PPM1H: variants seen among roughly 807,000 people sequenced by gnomAD.
PPM1H encodes protein phosphatase 1H.
In PPM1H, 27 loss-of-function variants were observed where a neutral mutation model predicts 54.9. The ratio of observed to expected loss-of-function variants is 0.49; its 90% confidence interval spans 0.36 to 0.68. The LOEUF is 0.68. Ranked by LOEUF, PPM1H falls within the 30% of genes least tolerant of loss-of-function variation. The probability of loss-of-function intolerance (pLI) is 0.00; values close to 1 mark genes in which losing one functional copy is unlikely to be tolerated. For synonymous variants in PPM1H, 305 were observed against 270.8 expected (o/e 1.13, Z -1.24); for missense variants, 596 against 667.8 (o/e 0.89, Z 1.19).
At position 62,645,168 on chromosome 12, in the gene PPM1H, G is replaced by T. The variant is rs2075778318; in HGVS notation, c.*3321C>A. ...TCTTGTTAAATGGAAAACCCTTCCT[G>T]AATGGGGAAGATCTGAGGCTAAATC... is the stretch of plus-strand genomic sequence containing the variant. On this transcript the variant is annotated 3_prime_UTR_variant, in exon 10 of 10. Coordinates refer to ENST00000228705, the MANE Select transcript of PPM1H (RefSeq NM_020700.2). 1 of 152,170 alleles carries T rather than the reference G, an allele frequency of 6.6e-6. No homozygotes were observed. The highest frequency in any genetic ancestry group is 6.5e-5 in the Admixed American group (1 of 15,286). The allele number at this position is 152,170 out of a possible 1,614,324, so 9.4% of individuals were successfully genotyped here. A position where few individuals can be genotyped will look rare whatever the true frequency, so the allele number is the denominator to read the frequency against.
intron 2 of PPM1H, among the ~76,000 whole-genome samples, chr12:62,825,855 G>C (rs879507802): frequency 6.6e-6 from 1 of 151,344 alleles, no homozygotes; most frequent in Non-Finnish European, 1.5e-5. Flanking sequence ...CATATTGTGC[G>C]CATGTACCCT....
chr12:62,723,762 T>G (rs1050990108), intron 5 of PPM1H, among the ~76,000 whole-genome samples: 2 of 152,192 alleles, frequency 1.3e-5, no homozygotes, highest in African/African-American at 4.8e-5. Context: ...TACAGATACG[T>G]GGCATGCATA....
At position 62,737,836 on chromosome 12, in the gene PPM1H, C is replaced by T. The variant is rs1054182255; in HGVS notation, c.870-250G>A. On this transcript the variant is annotated intron_variant, in intron 4 of 9. Coordinates refer to ENST00000228705, the MANE Select transcript of PPM1H (RefSeq NM_020700.2). ...TAGCTGGAAGTGTGCCTTAATGCTC[C>T]AGCCCCAACCATACTTCTTGGCACA... Among the ~76,000 whole-genome samples, 6 of 152,070 alleles carry T rather than the reference C, an allele frequency of 3.9e-5. No homozygotes were observed. The South Asian group carries it at 1.2e-3, about 32-fold the overall frequency.
intron 8 of PPM1H, among the ~76,000 whole-genome samples, chr12:62,671,060 C>A (rs903889175): frequency 3.3e-5 from 5 of 152,198 alleles, no homozygotes; most frequent in South Asian, 2.1e-4. Flanking sequence ...CCACTGGGCT[C>A]CGGAGTCCTG....
chr12:62,746,382 T>G (rs1188375917), intron 4 of PPM1H, among the ~76,000 whole-genome samples: 1 of 152,210 alleles, frequency 6.6e-6, no homozygotes, highest in Non-Finnish European at 1.5e-5. Context: ...AAATTTTCAA[T>G]GTGTTCCATC....
At chr12:62,902,487 C>T (rs772077617) in intron 1 of PPM1H, among the ~76,000 whole-genome samples, 4 of 152,204 alleles carry the variant, frequency 2.6e-5, no homozygotes, top group Non-Finnish European at 5.9e-5. Flanking sequence ...AACACTGGAA[C>T]ATTTTCCAGA....
chr12:62,931,879 T>A (rs1681258688), intron 1 of PPM1H, among the ~76,000 whole-genome samples: 1 of 152,234 alleles, frequency 6.6e-6, no homozygotes, highest in African/African-American at 2.4e-5. Context: ...CTGTGTTTAC[T>A]TATGAATACT....
At chr12:62,657,950 G>C (rs190080346) in intron 9 of PPM1H, among the ~76,000 whole-genome samples, 1 of 151,204 alleles carries the variant, frequency 6.6e-6, no homozygotes, top group Admixed American at 6.6e-5. Context: ...TACTCTGTAG[G>C]GTTTATGGTA....
chr12:62,868,863 A>G (rs977138943), intron 1 of PPM1H, among the ~76,000 whole-genome samples: 6 of 152,308 alleles, frequency 3.9e-5, no homozygotes, highest in Admixed American at 1.3e-4. Context: ...AGGATACCCA[A>G]TTTCTCACTT....
chr12:62,801,270 T>C (rs2076767483), intron 3 of PPM1H, among the ~76,000 whole-genome samples: 1 of 152,200 alleles, frequency 6.6e-6, no homozygotes, highest in African/African-American at 2.4e-5. Flanking sequence ...ATAAGGCCTG[T>C]ATTTAATAAG....
intron 1 of PPM1H, among the ~76,000 whole-genome samples, chr12:62,892,291 T>C (rs919454877): frequency 6.6e-6 from 1 of 152,204 alleles, no homozygotes; most frequent in African/African-American, 2.4e-5. Context: ...AACCTATGAA[T>C]TGGACATACC....
chr12:62,689,591 C>CT lies in PPM1H; in HGVS notation c.1245+107_1245+108insA, dbSNP rs571672987. ...AGACGTGAGAGATACAGTGGAAGTA[C>CT]ATATAATACAAGTTGGCTACTGTCT... On this transcript the variant is annotated intron_variant, in intron 8 of 9. Transcript: ENST00000228705. 446 of 720,750 alleles carry CT rather than the reference C, an allele frequency of 6.2e-4. No individual in the cohort carries two copies. In the African/African-American group the frequency reaches 6.9e-3, roughly 11 times the overall value. The allele number at this position is 720,750 out of a possible 1,614,324, so 44.6% of individuals were successfully genotyped here. A position where few individuals can be genotyped will look rare whatever the true frequency, so the allele number is the denominator to read the frequency against.
chr12:62,713,027 A>G (rs75725524), intron 6 of PPM1H, among the ~76,000 whole-genome samples: 5,560 of 152,336 alleles, frequency 0.036, 150 homozygotes, highest in Non-Finnish European at 0.06. Flanking sequence ...GTCAGAGGGC[A>G]TTGAAGAGAG....
chr12:62,934,017 C>G lies in PPM1H; in HGVS notation c.245+475G>C, dbSNP rs901280792. ...ACCACGCACTCGGACACGGCCACCT[C>G]CCGGAATCGGACACAAGCTCCCAGG... On this transcript the variant is annotated intron_variant, in intron 1 of 9. Transcript: ENST00000228705. This position sits in a 1 kb window ranked among gnomAD's most constrained non-coding sequence, Gnocchi z 4.2. 6.5e-6 allele frequency: 1 copy of G among 155,032 alleles called. No individual in the cohort carries two copies. 9.6% of individuals were successfully genotyped at this position (155,032 alleles called of 1,614,324 possible).
intron 4 of PPM1H, among the ~76,000 whole-genome samples, chr12:62,741,068 T>C (rs972647950): frequency 4.6e-5 from 7 of 152,184 alleles, no homozygotes; most frequent in African/African-American, 1.7e-4. Flanking sequence ...AGGTTCAAAA[T>C]TAATGATCCT....
intron 4 of PPM1H, among the ~76,000 whole-genome samples, chr12:62,765,208 G>A (rs2076534238): frequency 6.6e-6 from 1 of 152,170 alleles, no homozygotes; most frequent in East Asian, 1.9e-4. Flanking sequence ...CAGTGCAATG[G>A]TGAAAAAGAG....
intron 3 of PPM1H, among the ~76,000 whole-genome samples, chr12:62,795,303 C>A (rs1592602889): frequency 6.6e-6 from 1 of 152,078 alleles, no homozygotes; most frequent in Non-Finnish European, 1.5e-5. Context: ...TGTTTCTGAA[C>A]ATTTTTAACA....
intron 4 of PPM1H, chr12:62,755,602 G>C (rs965092837): frequency 3.0e-6 from 2 of 656,934 alleles, no homozygotes; most frequent in Non-Finnish European, 5.5e-6. Flanking sequence ...CCCTTCTGCT[G>C]ACACCCCCAT....
In PPM1H at chr12:62,934,359, C is replaced by T. The variant is rs954582906; in HGVS notation, c.245+133G>A. ...GGAAATGGCCAGTGTAAGTAAAGAGCTCCCCGCCGAGGCCTGGACGCCGGC... is the reference window on the plus strand; with the variant it reads ...GGAAATGGCCAGTGTAAGTAAAGAGTTCCCCGCCGAGGCCTGGACGCCGGC... On this transcript the variant is annotated intron_variant, in intron 1 of 9. Coordinates refer to ENST00000228705, the MANE Select transcript of PPM1H (RefSeq NM_020700.2). The surrounding 1 kb of genome is among the most constrained non-coding windows in gnomAD (Gnocchi z 4.2). 94 of 1,267,730 alleles carry T rather than the reference C, an allele frequency of 7.4e-5. 1 individual carries two copies. The highest frequency in any genetic ancestry group is 9.4e-5 in the Non-Finnish European group (90 of 961,410). 78.5% of individuals were successfully genotyped at this position (1,267,730 alleles called of 1,614,324 possible).
Sources: allele counts gnomAD v4.1 joint callset (sites outside exome capture counted in the v4.1 genomes callset), GRCh38; gene constraint gnomAD v4.1.1; non-coding constraint Gnocchi (gnomAD v3.1); transcripts MANE v1.5; gene names NCBI Gene and HGNC (gene_info 2026-07-23, HGNC 2026-07-21).